The following PHLDB2 variants were observed in gnomAD, a reference collection of about 807,000 sequenced individuals.
PHLDB2 encodes pleckstrin homology like domain family B member 2, also known as pleckstrin homology-like domain family B member 2.
Under a neutral mutation model 123.6 loss-of-function variants are expected in PHLDB2, and 71 were observed. The observed-to-expected ratio is 0.57, with a 90% CI of 0.47 to 0.70. PHLDB2 has a LOEUF of 0.70. Ranked by LOEUF, PHLDB2 falls within the 30% of genes least tolerant of loss-of-function variation. PHLDB2 has a pLI of 0.00. For synonymous variants in PHLDB2, 547 were observed against 541.6 expected (o/e 1.01, Z -0.14); for missense variants, 1,446 against 1,519.5 (o/e 0.95, Z 0.80).
At chr3:111,761,629 G>A (rs2059996261) in intron 1 of PHLDB2, among the ~76,000 whole-genome samples, 1 of 152,164 alleles carries the variant, frequency 6.6e-6, no homozygotes, top group Non-Finnish European at 1.5e-5. Flanking sequence ...AACTTCAGCT[G>A]CATTCAGATC....
intron 12 of PHLDB2, chr3:111,958,641 T>A (rs2071201184): frequency 4.5e-6 from 2 of 445,206 alleles, no homozygotes; most frequent in Non-Finnish European, 8.9e-6. Context: ...CTCAATTAGG[T>A]CTTGCTTTAT....
At position 111,969,843 on chromosome 3, in the gene PHLDB2, A is replaced by G. The variant is rs369574793; in HGVS notation, c.3469A>G (p.Ile1157Val). Reference sequence around the variant, plus strand: ...ATTCCTCATCAAAATGGGTGGGAAAATTAAAACGTGGAAAAAACGTTGGTT... The same window carrying G: ...ATTCCTCATCAAAATGGGTGGGAAAGTTAAAACGTGGAAAAAACGTTGGTT... ...RGFLIKMGGK[I>V]KTWKKRWFVF... The change falls in exon 16 of 18, where the codon ATT becomes GTT. Residue 1157 changes from isoleucine (I) to valine (V), a missense_variant. Physicochemically the swap from Ile to Val is conservative, Grantham distance 29. Coordinates refer to ENST00000431670, the MANE Select transcript of PHLDB2 (RefSeq NM_001134438.2). 4.3e-6 allele frequency: 7 copies of G among 1,613,980 alleles called. No homozygotes were observed. Among genetic ancestry groups the G allele is most frequent in the Non-Finnish European group, 5.9e-6 (7 of 1,179,948 alleles).
intron 2 of PHLDB2, among the ~76,000 whole-genome samples, chr3:111,847,713 C>T (rs1303390174): frequency 6.6e-6 from 1 of 152,160 alleles, no homozygotes; most frequent in Non-Finnish European, 1.5e-5. Context: ...TCCCTTTAGC[C>T]CTGGGCCTAA....
chr3:111,908,628 G>T (rs758659273), intron 2 of PHLDB2, among the ~76,000 whole-genome samples: 3 of 152,094 alleles, frequency 2.0e-5, no homozygotes, highest in African/African-American at 7.2e-5. Flanking sequence ...TTCATTGGCC[G>T]GTACAAGTCT....
chr3:111,934,957 AT>A (rs1264903502), intron 6 of PHLDB2, among the ~76,000 whole-genome samples: 1 of 152,140 alleles, frequency 6.6e-6, no homozygotes, highest in East Asian at 1.9e-4. Flanking sequence ...CACTGGATAA[AT>A]TTTTTTAATC....
intron 2 of PHLDB2, among the ~76,000 whole-genome samples, chr3:111,846,768 G>A (rs2064009938): frequency 6.6e-6 from 1 of 152,168 alleles, no homozygotes; most frequent in East Asian, 1.9e-4. Flanking sequence ...GAGATTTTAA[G>A]CAATTGTCTT....
chr3:111,812,927 C>T (rs1009476185), intron 1 of PHLDB2, among the ~76,000 whole-genome samples: 2 of 152,150 alleles, frequency 1.3e-5, no homozygotes, highest in African/African-American at 4.8e-5. Flanking sequence ...ACATTACAAA[C>T]ATTGGCAGGA....
intron 2 of PHLDB2, among the ~76,000 whole-genome samples, chr3:111,902,722 T>G (rs1206470264): frequency 6.6e-6 from 1 of 152,118 alleles, no homozygotes; most frequent in Non-Finnish European, 1.5e-5. Context: ...CAGTGCAACC[T>G]CCGCCTCCCC....
At chr3:111,943,178 A>G (rs989513969) in intron 8 of PHLDB2, among the ~76,000 whole-genome samples, 4 of 152,218 alleles carry the variant, frequency 2.6e-5, no homozygotes, top group African/African-American at 9.6e-5. Context: ...TGGTACTGCC[A>G]TACAAATACA....
intron 1 of PHLDB2, among the ~76,000 whole-genome samples, chr3:111,761,883 G>A (rs1052181137): frequency 2.4e-4 from 37 of 151,978 alleles, no homozygotes; most frequent in Non-Finnish European, 2.2e-4. Flanking sequence ...AGCAGAAAAA[G>A]CATACAAATT....
At chr3:111,916,673 A>C (rs1292491776) in intron 3 of PHLDB2, 1 of 152,128 alleles carries the variant, frequency 6.6e-6, no homozygotes, top group Non-Finnish European at 1.5e-5. Context: ...GCCTTTGTGA[A>C]CCACCCCCTG....
chr3:111,952,493 G>T, intron 10 of PHLDB2, 79 bp from the exon 11 acceptor site: 7 of 1,485,214 alleles, frequency 4.7e-6, no homozygotes, highest in Non-Finnish European at 6.3e-6. Context: ...TTTTTTGTAA[G>T]TGCATAATTC....
intron 1 of PHLDB2, chr3:111,732,796 C>A: frequency 9.0e-7 from 1 of 1,112,780 alleles, no homozygotes; most frequent in Non-Finnish European, 1.3e-6. Context: ...TGAGGAGGGT[C>A]TGCTGGAGAT....
At chr3:111,743,509 A>T (rs1478538775) in intron 1 of PHLDB2, among the ~76,000 whole-genome samples, 1 of 152,196 alleles carries the variant, frequency 6.6e-6, no homozygotes, top group African/African-American at 2.4e-5. Flanking sequence ...TTAAACAGGA[A>T]TAGTGAACAA....
intron 2 of PHLDB2, among the ~76,000 whole-genome samples, chr3:111,848,964 C>T (rs139362980): frequency 1.9e-4 from 29 of 152,284 alleles, no homozygotes; most frequent in Non-Finnish European, 4.1e-4. Flanking sequence ...TGTAAGTGGA[C>T]TCTATGATGT....
At chr3:111,952,535 C>T (rs1410100255) in intron 10 of PHLDB2, 37 bp from the exon 11 acceptor site, 3 of 1,591,304 alleles carry the variant, frequency 1.9e-6, no homozygotes, top group Non-Finnish European at 2.6e-6. Context: ...TACAGTTAGT[C>T]AAGTTTTGCT....
intron 2 of PHLDB2, among the ~76,000 whole-genome samples, chr3:111,896,757 A>C (rs1041788774): frequency 1.3e-5 from 1 of 77,726 alleles, no homozygotes; most frequent in Non-Finnish European, 2.6e-5. Flanking sequence ...TTGATTTTTC[A>C]AAAAAAAAAA....
chr3:111,909,632 T>C (rs577741065), intron 2 of PHLDB2, among the ~76,000 whole-genome samples: 101 of 152,222 alleles, frequency 6.6e-4, no homozygotes, highest in African/African-American at 2.4e-3. Context: ...TCTTGCCATC[T>C]TTTTTCATTT....
At chr3:111,914,038 A>C (rs1433995136) in intron 3 of PHLDB2, 8 of 282,518 alleles carry the variant, frequency 2.8e-5, no homozygotes, top group Non-Finnish European at 4.7e-5. Flanking sequence ...TTCTGTGTAT[A>C]TATGGCTATC....
Sources: allele counts gnomAD v4.1 joint callset (sites outside exome capture counted in the v4.1 genomes callset), GRCh38; gene constraint gnomAD v4.1.1; transcripts MANE v1.5; gene names NCBI Gene and HGNC (gene_info 2026-07-23, HGNC 2026-07-21).